The following SHISA6 variants were observed in gnomAD, a reference collection of about 807,000 sequenced individuals.
SHISA6 encodes the protein protein shisa-6.
In SHISA6, 22 loss-of-function variants were observed where a neutral mutation model predicts 47.9. That is an observed-to-expected ratio of 0.46 (90% confidence interval 0.33 to 0.66). The LOEUF (loss-of-function observed/expected upper bound fraction) is 0.66. Ranked by LOEUF, SHISA6 falls within the 30% of genes least tolerant of loss-of-function variation. The pLI is 0.02. For synonymous variants in SHISA6, 388 were observed against 337.8 expected (o/e 1.15, Z -1.63); for missense variants, 680 against 764.6 (o/e 0.89, Z 1.30).
chr17:11,526,478 G>A (rs1020767203), intron 3 of SHISA6, among the ~76,000 whole-genome samples: 2 of 152,084 alleles, frequency 1.3e-5, no homozygotes, highest in Non-Finnish European at 2.9e-5. Context: ...CCAGAGCATC[G>A]CACTTGTACT....
At chr17:11,462,840 C>T (rs1047666141) in intron 3 of SHISA6, among the ~76,000 whole-genome samples, 1 of 152,150 alleles carries the variant, frequency 6.6e-6, no homozygotes, top group Non-Finnish European at 1.5e-5. Context: ...TTTGGCCAGG[C>T]TGGTCTCGAA....
intron 4 of SHISA6, among the ~76,000 whole-genome samples, chr17:11,553,139 T>C (rs531818429): frequency 1.3e-5 from 2 of 152,246 alleles, no homozygotes; most frequent in East Asian, 3.9e-4. Flanking sequence ...ACCTGGAGTT[T>C]GCAAGAAAAA....
intron 3 of SHISA6, among the ~76,000 whole-genome samples, chr17:11,541,557 A>G (rs2071833787): frequency 6.6e-6 from 1 of 152,224 alleles, no homozygotes; most frequent in Non-Finnish European, 1.5e-5. Flanking sequence ...GGAACTTTAG[A>G]ACCTATTTTC....
At chr17:11,495,437 G>A (rs2071399960) in intron 3 of SHISA6, among the ~76,000 whole-genome samples, 1 of 152,220 alleles carries the variant, frequency 6.6e-6, no homozygotes, top group African/African-American at 2.4e-5. Flanking sequence ...AGGTGACCAG[G>A]GGAGAGGGAG....
intron 3 of SHISA6, among the ~76,000 whole-genome samples, chr17:11,388,811 TATATATATATATATATATA>T (rs1913285782): frequency 1.0e-5 from 1 of 95,284 alleles, no homozygotes; most frequent in African/African-American, 4.2e-5. Context: ...TATATATATA[TATATATATATATATATATA>T]TATATATATA....
chr17:11,301,246 T>A (rs1025777715), intron 2 of SHISA6, among the ~76,000 whole-genome samples: 7 of 152,074 alleles, frequency 4.6e-5, no homozygotes, highest in African/African-American at 1.7e-4. Context: ...GACCCTCAAG[T>A]TGAAGTTGCA....
chr17:11,335,970 G>A (rs1911305898), intron 2 of SHISA6, among the ~76,000 whole-genome samples: 1 of 152,042 alleles, frequency 6.6e-6, no homozygotes, highest in Non-Finnish European at 1.5e-5. Context: ...GCCAAGGCAG[G>A]TGGATTGTTT....
intron 2 of SHISA6, among the ~76,000 whole-genome samples, chr17:11,322,506 T>C (rs567900125): frequency 6.6e-6 from 1 of 152,342 alleles, no homozygotes; most frequent in East Asian, 1.9e-4. Context: ...GTTGCTATGA[T>C]TTTTCTCTTA....
chr17:11,275,041 T>C (rs1226625612), intron 2 of SHISA6, among the ~76,000 whole-genome samples: 2 of 152,122 alleles, frequency 1.3e-5, no homozygotes, highest in Non-Finnish European at 2.9e-5. Flanking sequence ...GAAAGATTGG[T>C]TGTGGCTTTT....
intron 2 of SHISA6, among the ~76,000 whole-genome samples, chr17:11,318,674 AGAGTAGG>A (rs1268253148): frequency 6.6e-6 from 1 of 152,228 alleles, no homozygotes; most frequent in Non-Finnish European, 1.5e-5. Context: ...AAGCTCCATG[AGAGTAGG>A]GACTGTGTCT....
At chr17:11,244,507 C>T (rs1023342228) in intron 1 of SHISA6, among the ~76,000 whole-genome samples, 1 of 152,136 alleles carries the variant, frequency 6.6e-6, no homozygotes, top group Non-Finnish European at 1.5e-5. Context: ...TCTCAGACTC[C>T]TGGGGGTGAG....
intron 3 of SHISA6, among the ~76,000 whole-genome samples, chr17:11,473,175 C>T (rs1162483620): frequency 6.6e-6 from 1 of 152,124 alleles, no homozygotes; most frequent in Non-Finnish European, 1.5e-5. Context: ...TGGAGCCCAG[C>T]TTGTCAATTA....
chr17:11,549,505 T>C (rs1483141738), intron 3 of SHISA6, among the ~76,000 whole-genome samples: 2 of 152,224 alleles, frequency 1.3e-5, no homozygotes, highest in Non-Finnish European at 2.9e-5. Flanking sequence ...GCCAATAATA[T>C]ATATTCATTC....
At chr17:11,532,560 A>G (rs558291665) in intron 3 of SHISA6, among the ~76,000 whole-genome samples, 1 of 152,178 alleles carries the variant, frequency 6.6e-6, no homozygotes, top group African/African-American at 2.4e-5. Flanking sequence ...ACATTTTCCT[A>G]TGATCCCACA....
chr17:11,439,081 G>A (rs1007739391), intron 3 of SHISA6, among the ~76,000 whole-genome samples: 4 of 152,110 alleles, frequency 2.6e-5, no homozygotes, highest in Non-Finnish European at 5.9e-5. Flanking sequence ...CTGACCTGGG[G>A]GCTGGGCTCT....
intron 1 of SHISA6, among the ~76,000 whole-genome samples, chr17:11,248,121 T>G (rs1476698671): frequency 1.3e-5 from 2 of 152,084 alleles, no homozygotes; most frequent in Non-Finnish European, 2.9e-5. Flanking sequence ...GAGGCCTGGG[T>G]ACAAGGGTTA....
chr17:11,439,105 C>T (rs540293351), intron 3 of SHISA6, among the ~76,000 whole-genome samples: 1 of 152,290 alleles, frequency 6.6e-6, no homozygotes, highest in African/African-American at 2.4e-5. Context: ...ACTCCTGTAC[C>T]TCAGTCATTG....
At chr17:11,264,913 A>G (rs565234840) in intron 2 of SHISA6, among the ~76,000 whole-genome samples, 1 of 152,340 alleles carries the variant, frequency 6.6e-6, no homozygotes, top group East Asian at 1.9e-4. Flanking sequence ...TTCAATCAAC[A>G]GTTTGTATAT....
chr17:11,347,885 C>A (rs1244221737), intron 2 of SHISA6, among the ~76,000 whole-genome samples: 4 of 152,146 alleles, frequency 2.6e-5, no homozygotes, highest in African/African-American at 9.7e-5. Flanking sequence ...CCCACGTAAC[C>A]CACTCTGCTT....
Sources: allele counts gnomAD v4.1 joint callset (sites outside exome capture counted in the v4.1 genomes callset), GRCh38; gene constraint gnomAD v4.1.1; transcripts MANE v1.5; gene names NCBI Gene and HGNC (gene_info 2026-07-23, HGNC 2026-07-21).